TMEM52B: variants seen among roughly 807,000 people sequenced by gnomAD.
The protein encoded by TMEM52B is transmembrane protein 52B, also known as chromosome 12 open reading frame 59.
In TMEM52B, 11 loss-of-function variants were observed where a neutral mutation model predicts 16.1. That is an observed-to-expected ratio of 0.68 (90% CI 0.43 to 1.13). TMEM52B has a LOEUF of 1.13. TMEM52B is among the 50% of genes most tolerant of loss of function. TMEM52B has a pLI of 0.00. For synonymous variants in TMEM52B, 101 were observed against 93.8 expected, an observed-to-expected ratio of 1.08 and a Z score of -0.45; for missense variants, 243 against 230.4, an observed-to-expected ratio of 1.05 and a Z score of -0.35.
chr12:10,182,496 T>G, intron 1 of TMEM52B, 54 bp from the exon 2 acceptor site: 2 of 1,524,626 alleles, frequency 1.3e-6, no homozygotes, highest in Non-Finnish European at 1.8e-6. Context: ...GGTAAGCAGC[T>G]GAACACAGTG....
intron 1 of TMEM52B, among the ~76,000 whole-genome samples, chr12:10,173,331 C>T (rs568413917): frequency 6.6e-6 from 1 of 152,038 alleles, no homozygotes; most frequent in African/African-American, 2.4e-5. Flanking sequence ...GAAAAGAATA[C>T]ACAAAGGAAG....
intron 1 of TMEM52B, chr12:10,171,951 G>T: frequency 7.4e-7 from 1 of 1,347,920 alleles, no homozygotes; most frequent in South Asian, 1.2e-5. Flanking sequence ...TTTACATTTT[G>T]GGGCTAACAC....
At chr12:10,177,960 A>G (rs1948780292), upstream of TMEM52B, among the ~76,000 whole-genome samples, 1 of 149,170 alleles carries the variant, frequency 6.7e-6, no homozygotes, top group African/African-American at 2.5e-5. Context: ...CAGTGGTGTG[A>G]TCTCGGCTCA....
Position 10,190,523 on chromosome 12 carries a change from G to T in TMEM52B, c.*383G>T. The T allele has an allele frequency of 4.3e-6, 1 of 231,546 alleles. No homozygotes were observed. The highest frequency in any genetic ancestry group is 8.8e-6 in the Non-Finnish European group (1 of 113,982). The allele number at this position is 231,546 out of a possible 1,614,324, so 14.3% of individuals were successfully genotyped here. On this transcript the variant is annotated 3_prime_UTR_variant, in exon 5 of 5. Transcript: ENST00000543484. The stretch of plus-strand genomic sequence containing the variant: ...CCACTGCGGTTAACTGGAAAAGAAA[G>T]ACAACAGTGTCAGCACAGCCATCGA...
chr12:10,187,110 T>TG (rs1948889637), intron 4 of TMEM52B, among the ~76,000 whole-genome samples: 2 of 142,920 alleles, frequency 1.4e-5, no homozygotes, highest in Non-Finnish European at 1.5e-5. Flanking sequence ...TTTTTTTTTT[T>TG]TTTTTTTTTT....
In TMEM52B at chr12:10,190,002, TGAA is replaced by T. The variant is rs1353419754; in HGVS notation, c.419_421del (p.Glu140del). The T allele has an allele frequency of 6.2e-7, 1 of 1,614,050 alleles. No homozygotes were observed. The highest frequency in any genetic ancestry group is 8.5e-7 in the Non-Finnish European group (1 of 1,180,048). The stretch of plus-strand genomic sequence containing the variant: ...CCTCTTTGGACACCCTCCCAGGGTA[TGAA>T]GAAGCTCTTCACATGAGTCGCTTCA... On this transcript the variant is annotated inframe_deletion, in exon 5 of 5. Transcript: ENST00000543484.
At position 10,189,312 on chromosome 12, in the gene TMEM52B, G is replaced by A. The variant is rs143383256; in HGVS notation, c.308-584G>A. Among the ~76,000 whole-genome samples, 534 of 152,000 alleles carry A rather than the reference G, an allele frequency of 3.5e-3. 1 individual carries two copies. Among genetic ancestry groups the A allele is most frequent in the Non-Finnish European group, 6.0e-3 (406 of 67,966 alleles). On this transcript the variant is annotated intron_variant, in intron 4 of 4. Coordinates refer to ENST00000543484, the MANE Select transcript of TMEM52B (RefSeq NM_001384896.1). ...CTAAGTCTGAAAGGGGAAAGGGCAGGGTTGAGTTGCAGGATGCAGAAACAT... is the reference window on the plus strand; with the variant it reads ...CTAAGTCTGAAAGGGGAAAGGGCAGAGTTGAGTTGCAGGATGCAGAAACAT...
intron 4 of TMEM52B, among the ~76,000 whole-genome samples, chr12:10,189,485 A>G (rs930006315): frequency 3.3e-5 from 5 of 151,396 alleles, no homozygotes; most frequent in Admixed American, 6.6e-5. Flanking sequence ...TTACCTGGGC[A>G]TGGTGGCGGG....
At chr12:10,173,158 T>C (rs376756488) in intron 1 of TMEM52B, among the ~76,000 whole-genome samples, 11 of 152,336 alleles carry the variant, frequency 7.2e-5, no homozygotes, top group African/African-American at 2.6e-4. Flanking sequence ...CCCATAAGTA[T>C]GTCTATATGT....
At chr12:10,181,667 C>A (rs933712184) in intron 1 of TMEM52B, among the ~76,000 whole-genome samples, 2 of 151,222 alleles carry the variant, frequency 1.3e-5, no homozygotes, top group Non-Finnish European at 2.9e-5. Flanking sequence ...AGTCCCTTAA[C>A]CTTTCAAGAT....
chr12:10,177,821 T>A (rs1331491905), upstream of TMEM52B, among the ~76,000 whole-genome samples: 2 of 147,610 alleles, frequency 1.4e-5, no homozygotes, highest in Admixed American at 6.8e-5. Context: ...ATAATTTTTT[T>A]ATTAAACATT....
At position 10,179,578 on chromosome 12, in the gene TMEM52B, G is replaced by C. The variant is rs776504823; in HGVS notation, c.4G>C (p.Gly2Arg). M[G>R]VRVHVVAASA... ...GAAGAAGCAGGAATTCAGCCCGATG[G>C]GAGTCCGAGTTCATGTCGTGGCGGC... Residue 2 changes from glycine to arginine, a missense_variant, in exon 1 of 5, where the codon GGA becomes CGA. Coordinates refer to ENST00000543484, the MANE Select transcript of TMEM52B (RefSeq NM_001384896.1). The C allele has an allele frequency of 6.2e-7, 1 of 1,614,184 alleles. No homozygotes were observed.
intron 1 of TMEM52B, among the ~76,000 whole-genome samples, chr12:10,173,525 A>T (rs950863146): frequency 3.5e-5 from 5 of 143,014 alleles, no homozygotes; most frequent in Admixed American, 2.1e-4. Context: ...CATGCCTGTA[A>T]TCTCAGCACT....
intron 1 of TMEM52B, chr12:10,171,934 C>T (rs1001170734): frequency 6.1e-5 from 71 of 1,163,958 alleles, no homozygotes; most frequent in African/African-American, 4.7e-4. Flanking sequence ...TCCCATTCTT[C>T]GGTGAATTTA....
intron 1 of TMEM52B, among the ~76,000 whole-genome samples, chr12:10,171,813 A>G: frequency 6.6e-6 from 1 of 152,360 alleles, no homozygotes; most frequent in East Asian, 1.9e-4. Context: ...TACTCAGTAT[A>G]AATTGTTATA....
Position 10,189,925 on chromosome 12 carries a change from C to G in TMEM52B, c.337C>G (p.Arg113Gly), listed in dbSNP as rs774181721. ...SLQSVFGPAARRILAVAHSHS... is the reference protein window; with the variant it reads ...SLQSVFGPAAGRILAVAHSHS... ...GCAGTCGGTGTTTGGCCCTGCAGCT[C>G]GGAGGATCCTGGCTGTGGCTCACTC... Residue 113 changes from arginine (R) to glycine (G), a missense_variant, in exon 5 of 5, where the codon CGG (arginine) becomes GGG (glycine). By Grantham distance (125) the Arg-to-Gly change is moderately radical. Coordinates refer to ENST00000543484, the MANE Select transcript of TMEM52B (RefSeq NM_001384896.1). The G allele has an allele frequency of 3.7e-6, 6 of 1,613,942 alleles. No homozygotes were observed. Among genetic ancestry groups the G allele is most frequent in the Non-Finnish European group, 4.2e-6 (5 of 1,180,042 alleles).
chr12:10,188,013 C>T (rs2931826), intron 4 of TMEM52B, among the ~76,000 whole-genome samples: 83,567 of 151,498 alleles, frequency 0.55, 23,430 homozygotes, highest in East Asian at 0.89. Flanking sequence ...GCGTGACACT[C>T]GCTTGAACCC....
Position 10,182,576 on chromosome 12 carries a change from C to G in TMEM52B, c.81C>G (p.Asn27Lys). ...ILLSGTRCEENCGNPEHCLTT... is the reference protein window; with the variant it reads ...ILLSGTRCEEKCGNPEHCLTT... ...TTTCTGGGACGAGATGTGAGGAAAA[C>G]TGTGGTAATCCTGAACAGTAAGTAT... The change falls in exon 2 of 5, where the codon AAC (asparagine) becomes AAG (lysine). Residue 27 changes from asparagine (N) to lysine (K), a missense_variant. Asn to Lys is a moderately conservative substitution (Grantham distance 94, BLOSUM62 0). Transcript: ENST00000543484. 1 of 1,535,468 alleles carries G rather than the reference C, an allele frequency of 6.5e-7. No homozygotes were observed. Among genetic ancestry groups the G allele is most frequent in the South Asian group, 1.2e-5 (1 of 83,974 alleles).
At position 10,191,082 on chromosome 12, in the gene TMEM52B, A is replaced by G. The variant is rs576941751; in HGVS notation, c.*942A>G. On this transcript the variant is annotated 3_prime_UTR_variant, in exon 5 of 5. Transcript: ENST00000543484. ...AAATGCTGAACTAAGCCTGGTTGAG[A>G]TGCTTCCCATGGACCATGCCGCAGC... 14 of 152,364 alleles carry G rather than the reference A, an allele frequency of 9.2e-5. No homozygotes were observed. The East Asian group carries it at 1.2e-3, about 13-fold the overall frequency. 9.4% of individuals were successfully genotyped at this position (152,364 alleles called of 1,614,324 possible). A position where few individuals can be genotyped will look rare whatever the true frequency, so the allele number is the denominator to read the frequency against.
Sources: allele counts gnomAD v4.1 joint callset (sites outside exome capture counted in the v4.1 genomes callset), GRCh38; gene constraint gnomAD v4.1.1; transcripts MANE v1.5; gene names NCBI Gene and HGNC (gene_info 2026-07-23, HGNC 2026-07-21).